TUBGCP5: variants seen among roughly 807,000 people sequenced by gnomAD.
TUBGCP5 encodes gamma-tubulin complex component 5.
A neutral mutation model predicts 134.7 loss-of-function variants in TUBGCP5; 98 were observed. The ratio of observed to expected loss-of-function variants is 0.73; its 90% CI spans 0.62 to 0.86. The LOEUF is 0.86. Ranked by LOEUF, TUBGCP5 falls within the 40% of genes least tolerant of loss-of-function variation. The pLI is 0.00. For missense variants in TUBGCP5, 1,150 were observed against 1,244.8 expected (o/e 0.92, Z 1.15); for synonymous variants, 456 against 431.4 (o/e 1.06, Z -0.71).
At chr15:22,989,835 G>A (rs984181964) in intron 23 of TUBGCP5, among the ~76,000 whole-genome samples, 2 of 152,170 alleles carry the variant, frequency 1.3e-5, no homozygotes, top group Admixed American at 6.5e-5. Flanking sequence ...TGGGAACCTT[G>A]GTTGGGAGCT....
intron 6 of TUBGCP5, among the ~76,000 whole-genome samples, chr15:23,029,822 A>G (rs1467944330): frequency 1.3e-5 from 2 of 150,922 alleles, no homozygotes; most frequent in African/African-American, 4.9e-5. Context: ...TGGAGTTTGC[A>G]GTGAGGTGAG....
Position 23,013,709 on chromosome 15 carries a change from T to C in TUBGCP5, c.1757-2378A>G, listed in dbSNP as rs76257913. On this transcript the variant is annotated intron_variant, in intron 13 of 22. Coordinates refer to ENST00000615383, the MANE Select transcript of TUBGCP5 (RefSeq NM_052903.6). The surrounding 1 kb of genome is among the most constrained non-coding windows in gnomAD (Gnocchi z 4.5). ...AGTTCCCACGAGCTCTGAGCCCAGT[T>C]TGGAGAGCTGCTGGGAATTCACGCA... Among the ~76,000 whole-genome samples the C allele has an allele frequency of 5.8e-3, 890 of 152,278 alleles. 5 individuals carry two copies. The highest frequency in any genetic ancestry group is 0.019 in the African/African-American group (794 of 41,554).
At chr15:23,027,826 T>TA (rs199774830) in intron 6 of TUBGCP5, among the ~76,000 whole-genome samples, 6,604 of 137,780 alleles carry the variant, frequency 0.048, 472 homozygotes, top group African/African-American at 0.16. Flanking sequence ...GACTAGAAAG[T>TA]AAAAAAAAAA....
At position 22,999,808 on chromosome 15, in the gene TUBGCP5, C is replaced by A. The variant is rs747302187; in HGVS notation, c.*12G>T. 21 of 1,612,090 alleles carry A rather than the reference C, an allele frequency of 1.3e-5. No homozygotes were observed. In the South Asian group the frequency reaches 1.5e-4, roughly 12 times the overall value. ...ATGACAAAGTCGGAGATATTTATTA[C>A]GCTGAAGACATTTAACTTTGTTCCA... is the stretch of plus-strand genomic sequence containing the variant. On this transcript the variant is annotated 3_prime_UTR_variant, in exon 23 of 23. Coordinates refer to ENST00000615383, the MANE Select transcript of TUBGCP5 (RefSeq NM_052903.6).
At chr15:23,035,278 G>A (rs183673474) in intron 3 of TUBGCP5, among the ~76,000 whole-genome samples, 46 of 148,884 alleles carry the variant, frequency 3.1e-4, no homozygotes, top group Middle Eastern at 3.4e-3. Flanking sequence ...GCAATGAGTC[G>A]AGACTGCACC....
At position 23,008,810 on chromosome 15, in the gene TUBGCP5, T is replaced by C. The variant is rs1208675159; in HGVS notation, c.2216A>G (p.Tyr739Cys). Reference sequence around the variant, plus strand: ...TCTTATTTTATCAAAAATTGACGTGTAGAAGTCATACATGGTATCTCCTCC... The same window carrying C: ...TCTTATTTTATCAAAAATTGACGTGCAGAAGTCATACATGGTATCTCCTCC... ...MEGGDTMYDF[Y>C]TSIFDKIREK... The change falls in exon 16 of 23, where the codon TAC (tyrosine) becomes TGC (cysteine). Residue 739 changes from tyrosine (Y) to cysteine (C), a missense_variant. Physicochemically the swap from Tyr to Cys is radical, Grantham distance 194. Around this residue, in one of 2 missense-constraint regions of TUBGCP5, gnomAD observed 697 missense variants for 850.1 expected, o/e 0.82. Transcript: ENST00000615383. 1.4e-5 allele frequency: 23 copies of C among 1,601,734 alleles called. No individual in the cohort carries two copies. Among genetic ancestry groups the C allele is most frequent in the Non-Finnish European group, 2.0e-5 (23 of 1,177,248 alleles).
chr15:23,034,270 T>G (rs1225012033), intron 3 of TUBGCP5, among the ~76,000 whole-genome samples: 1 of 152,056 alleles, frequency 6.6e-6, no homozygotes, highest in Non-Finnish European at 1.5e-5. Flanking sequence ...TGGGCTCAGG[T>G]GTCCAGGTAG....
At chr15:23,038,636 G>T (rs1200039711) in intron 1 of TUBGCP5, among the ~76,000 whole-genome samples, 11 of 152,120 alleles carry the variant, frequency 7.2e-5, no homozygotes, top group Admixed American at 6.6e-4. Context: ...CATTATTCAA[G>T]AAGATTTTTA....
chr15:23,014,236 G>A (rs1008303142), intron 13 of TUBGCP5, among the ~76,000 whole-genome samples: 9 of 152,182 alleles, frequency 5.9e-5, no homozygotes, highest in African/African-American at 1.7e-4. Flanking sequence ...ACAGGCCCGT[G>A]GCCTACCCAG....
In TUBGCP5 at chr15:23,011,216, G is replaced by T. The variant is rs1372699088; in HGVS notation, c.1872C>A (p.Asn624Lys). The T allele has an allele frequency of 6.2e-7, 1 of 1,613,896 alleles. No homozygotes were observed. The highest frequency in any genetic ancestry group is 2.2e-5 in the East Asian group (1 of 44,876). The stretch of plus-strand genomic sequence containing the variant: ...CAGCAATGGACTGCATCTTCATCAG[G>T]TTCTCCTTGGTTGCCTGTTGCTCAG... ...VLTEQQATKE[N>K]LMKMQSIAES... The change falls in exon 14 of 23, where the codon AAC becomes AAA. Residue 624 changes from asparagine (N) to lysine (K), a missense_variant. Physicochemically the swap from Asn to Lys is moderately conservative, Grantham distance 94. Around this residue, in one of 2 missense-constraint regions of TUBGCP5, gnomAD observed 697 missense variants for 850.1 expected, o/e 0.82. Coordinates refer to ENST00000615383, the MANE Select transcript of TUBGCP5 (RefSeq NM_052903.6).
chr15:23,020,003 G>T (rs2065576359), intron 11 of TUBGCP5, among the ~76,000 whole-genome samples: 1 of 152,060 alleles, frequency 6.6e-6, no homozygotes, highest in Non-Finnish European at 1.5e-5. Flanking sequence ...AATTGGCTGG[G>T]CATGGTGGCT....
chr15:23,005,800 TA>T (rs2064674842), intron 18 of TUBGCP5, 190 bp from the exon 19 acceptor site: 3 of 695,482 alleles, frequency 4.3e-6, no homozygotes, highest in Non-Finnish European at 7.0e-6. Flanking sequence ...TCACTTTTCC[TA>T]ATCAAGTTGT....
intron 9 of TUBGCP5, 142 bp downstream of exon 9, chr15:23,024,595 A>G: frequency 1.8e-6 from 1 of 546,838 alleles, no homozygotes; most frequent in Middle Eastern, 4.9e-4. Flanking sequence ...GATATTAAAT[A>G]TTTTTAAGTT....
chr15:23,028,425 T>C (rs941308546), intron 6 of TUBGCP5, among the ~76,000 whole-genome samples: 1 of 140,388 alleles, frequency 7.1e-6, no homozygotes, highest in African/African-American at 2.6e-5. Context: ...GAATCCGATC[T>C]AAAAATGTAC....
rs2064539481 is a variant in TUBGCP5, at chr15:23,003,745, T to C, written c.2838+357A>G. On this transcript the variant is annotated intron_variant, in intron 20 of 22. Transcript: ENST00000615383. ...ATAGTTCACTGCAGCCTCAAACTCCTGGCCTCAAACAATGCTCCCACCTCA... is the reference window on the plus strand; with the variant it reads ...ATAGTTCACTGCAGCCTCAAACTCCCGGCCTCAAACAATGCTCCCACCTCA... 2.0e-5 allele frequency among the ~76,000 whole-genome samples: 3 copies of C among 149,618 alleles called. No individual in the cohort carries two copies. The Admixed American group carries it at 2.0e-4, about 10-fold the overall frequency.
At chr15:23,007,035 A>C (rs187382449) in intron 16 of TUBGCP5, among the ~76,000 whole-genome samples, 23 of 152,230 alleles carry the variant, frequency 1.5e-4, no homozygotes, top group African/African-American at 5.5e-4. Context: ...TAAAGTGGGG[A>C]GTTAACTTCC....
At chr15:22,988,860 T>G (rs373145237) in intron 23 of TUBGCP5, among the ~76,000 whole-genome samples, 1 of 151,984 alleles carries the variant, frequency 6.6e-6, no homozygotes, top group South Asian at 2.1e-4. Flanking sequence ...TCCGATTCCC[T>G]GGTTCAAGCG....
Position 23,005,570 on chromosome 15 carries a change from G to A in TUBGCP5, c.2574C>T (p.Gly858=), listed in dbSNP as rs766304435. The stretch of plus-strand genomic sequence containing the variant: ...CAACTGTGTCTTGTTCATGTATAAG[G>A]CCTTCTTTAAGTCGTGGTTTTTCTG... ...STAEKPRLKE[G]LIHEQDTVAQ... Residue 858 remains glycine (G), a synonymous_variant, in exon 19 of 23, where the codon GGC becomes GGT. Transcript: ENST00000615383. 7 of 1,614,076 alleles carry A rather than the reference G, an allele frequency of 4.3e-6. No homozygotes were observed. Among genetic ancestry groups the A allele is most frequent in the South Asian group, 1.1e-5 (1 of 91,072 alleles).
intron 23 of TUBGCP5, among the ~76,000 whole-genome samples, chr15:22,987,370 C>T (rs1304473631): frequency 1.3e-5 from 2 of 151,642 alleles, no homozygotes; most frequent in African/African-American, 4.8e-5. Context: ...AGTTACTGTC[C>T]TGTTTTTAGG....
Sources: allele counts gnomAD v4.1 joint callset (sites outside exome capture counted in the v4.1 genomes callset), GRCh38; gene constraint gnomAD v4.1.1; regional missense constraint gnomAD v4.1.1; non-coding constraint Gnocchi (gnomAD v3.1); transcripts MANE v1.5; gene names NCBI Gene and HGNC (gene_info 2026-07-23, HGNC 2026-07-21).